The following KCNC1 variants were observed in gnomAD, a reference collection of about 807,000 sequenced individuals.
The protein encoded by KCNC1 is potassium voltage-gated channel subfamily C member 1.
A neutral mutation model predicts 43.4 loss-of-function variants in KCNC1; 8 were observed. The observed-to-expected ratio is 0.18, with a 90% CI of 0.11 to 0.33. KCNC1 has a LOEUF of 0.33. Ranked by LOEUF, KCNC1 falls within the 10% of genes least tolerant of loss-of-function variation. The probability of loss-of-function intolerance (pLI) is 1.00; values close to 1 mark genes in which losing one functional copy is unlikely to be tolerated. For missense variants in KCNC1, 420 were observed against 836.0 expected, an observed-to-expected ratio of 0.50 and a Z score of 6.14; for synonymous variants, 361 against 360.5, an observed-to-expected ratio of 1.00 and a Z score of -0.01.
In KCNC1 at chr11:17,735,732, G is replaced by T. The variant is rs1047568736; in HGVS notation, c.-271G>T. ...TTCTCCCTCCCTTCTTTCCTCCTCT[G>T]CCTCCTCCGCTGCCGGACCAGCTCC... On this transcript the variant is annotated 5_prime_UTR_variant, in exon 1 of 4. Transcript: ENST00000265969. The surrounding 1 kb of genome is among the most constrained non-coding windows in gnomAD (Gnocchi z 6.7). The T allele has an allele frequency of 1.9e-5, 5 of 269,532 alleles. No individual in the cohort carries two copies. Among genetic ancestry groups the T allele is most frequent in the Non-Finnish European group, 2.7e-5 (4 of 149,250 alleles). 16.7% of individuals were successfully genotyped at this position (269,532 alleles called of 1,614,324 possible). A position where few individuals can be genotyped will look rare whatever the true frequency, so the allele number is the denominator to read the frequency against.
chr11:17,775,097 C>A, intron 2 of KCNC1: 1 of 985,560 alleles, frequency 1.0e-6, no homozygotes, highest in Admixed American at 6.1e-5. Context: ...AGGCCAGGGG[C>A]AAGGAAGGTA....
At chr11:17,770,401 C>T (rs1308755030) in intron 1 of KCNC1, among the ~76,000 whole-genome samples, 5 of 152,194 alleles carry the variant, frequency 3.3e-5, no homozygotes, top group Admixed American at 2.6e-4. Context: ...ACTATCTGGG[C>T]CCCTGAGAGA....
chr11:17,772,930 C>T, intron 2 of KCNC1: 1 of 1,195,756 alleles, frequency 8.4e-7, no homozygotes, highest in East Asian at 4.2e-5. Context: ...GGGCAGGAGT[C>T]CGGTGTGAGT....
intron 1 of KCNC1, among the ~76,000 whole-genome samples, chr11:17,743,279 ATCTG>A (rs577762277): frequency 1.5e-4 from 23 of 152,302 alleles, no homozygotes; most frequent in African/African-American, 5.1e-4. Context: ...CTGGAGCTCT[ATCTG>A]TAACTATTAC....
rs1324202682 is a variant in KCNC1 at position 17,783,053 on chromosome 11, A to T, written c.*1319A>T. 3 of 152,122 alleles carry T rather than the reference A, an allele frequency of 2.0e-5. No individual in the cohort carries two copies. The highest frequency in any genetic ancestry group is 1.3e-4 in the Admixed American group (2 of 15,258). The allele number at this position is 152,122 out of a possible 1,614,324, so 9.4% of individuals were successfully genotyped here. On this transcript the variant is annotated 3_prime_UTR_variant, in exon 4 of 4. Coordinates refer to ENST00000265969, the MANE Select transcript of KCNC1 (RefSeq NM_001112741.2). ...CAATAATAAAAAACTGACTTTTGAGATGAAGCATGAATTTGGGTTTTTATT... is the reference window on the plus strand; with the variant it reads ...CAATAATAAAAAACTGACTTTTGAGTTGAAGCATGAATTTGGGTTTTTATT...
rs755872953 is a variant in KCNC1 at position 17,736,028 on chromosome 11, G to C, written c.26G>C (p.Arg9Pro). 2 of 1,535,882 alleles carry C rather than the reference G, an allele frequency of 1.3e-6. No homozygotes were observed. The highest frequency in any genetic ancestry group is 1.7e-6 in the Non-Finnish European group (2 of 1,143,712). The change falls in exon 1 of 4, where the codon CGC becomes CCC. Residue 9 changes from arginine to proline, a missense_variant. Transcript: ENST00000265969. The surrounding 1 kb of genome is among the most constrained non-coding windows in gnomAD (Gnocchi z 9.3). MGQGDESE[R>P]IVINVGGTRH... ...ATGGGCCAAGGGGACGAGAGCGAGCGCATCGTGATCAACGTGGGCGGCACG... is the reference window on the plus strand; with the variant it reads ...ATGGGCCAAGGGGACGAGAGCGAGCCCATCGTGATCAACGTGGGCGGCACG...
At chr11:17,753,067 C>G (rs899779882) in intron 1 of KCNC1, among the ~76,000 whole-genome samples, 4 of 152,208 alleles carry the variant, frequency 2.6e-5, no homozygotes, top group Non-Finnish European at 4.4e-5. Flanking sequence ...GGAATTCACC[C>G]TCCGTTGACT....
rs1323352505 is a variant in KCNC1, at chr11:17,739,804, A to G, written c.570+3232A>G. Among the ~76,000 whole-genome samples, 1 of 151,474 alleles carries G rather than the reference A, an allele frequency of 6.6e-6. No homozygotes were observed. The highest frequency in any genetic ancestry group is 2.4e-5 in the African/African-American group (1 of 41,164). ...GTGTAAGACAGAGATTGTGTGTGAA[A>G]TCCTGTGTGTGACAGTGTACGTGAT... On this transcript the variant is annotated intron_variant, in intron 1 of 3. Transcript: ENST00000265969. The surrounding 1 kb of genome is among the most constrained non-coding windows in gnomAD (Gnocchi z 4.2).
chr11:17,735,822 C>T lies in KCNC1; in HGVS notation c.-181C>T. The T allele has an allele frequency of 1.6e-6, 1 of 630,974 alleles. No homozygotes were observed. The highest frequency in any genetic ancestry group is 2.4e-6 in the Non-Finnish European group (1 of 408,578). The allele number at this position is 630,974 out of a possible 1,614,324, so 39.1% of individuals were successfully genotyped here. A position where few individuals can be genotyped will look rare whatever the true frequency, so the allele number is the denominator to read the frequency against. On this transcript the variant is annotated 5_prime_UTR_variant, in exon 1 of 4. Coordinates refer to ENST00000265969, the MANE Select transcript of KCNC1 (RefSeq NM_001112741.2). The surrounding 1 kb of genome is among the most constrained non-coding windows in gnomAD (Gnocchi z 6.7). Reference sequence around the variant, plus strand: ...CACATTCCCCTGGACCGGCACCCGACAAAGCGCCCGGAGAGGCTTGGCTCG... The same window carrying T: ...CACATTCCCCTGGACCGGCACCCGATAAAGCGCCCGGAGAGGCTTGGCTCG...
At chr11:17,753,701 G>A (rs373828410) in intron 1 of KCNC1, among the ~76,000 whole-genome samples, 2 of 152,194 alleles carry the variant, frequency 1.3e-5, no homozygotes, top group Non-Finnish European at 2.9e-5. Context: ...GCCCCGGCGT[G>A]GGGGGTGGGG....
chr11:17,775,967 G>T (rs1259593748), intron 2 of KCNC1: 4 of 985,240 alleles, frequency 4.1e-6, no homozygotes, highest in Non-Finnish European at 4.8e-6. Flanking sequence ...TGCCCAGTGA[G>T]TGGTGCTATC....
Position 17,736,423 on chromosome 11 carries a change from G to A in KCNC1, c.421G>A (p.Asp141Asn), listed in dbSNP as rs376363769. The change falls in exon 1 of 4, where the codon GAC becomes AAC. Residue 141 changes from aspartate to asparagine, a missense_variant. By Grantham distance (23) the Asp-to-Asn change is conservative. Around this residue, in one of 5 missense-constraint regions of KCNC1, gnomAD observed 151 missense variants for 216.7 expected, o/e 0.70. Transcript: ENST00000265969. This position sits in a 1 kb window ranked among gnomAD's most constrained non-coding sequence, Gnocchi z 9.3. ...ADDADADGPG[D>N]SGDGEDELEM... is the part of the protein sequence containing the mutation. ...CGACGCGGACGCCGACGGCCCTGGCGACTCGGGCGACGGCGAGGACGAGCT... is the reference window on the plus strand; with the variant it reads ...CGACGCGGACGCCGACGGCCCTGGCAACTCGGGCGACGGCGAGGACGAGCT... The A allele has an allele frequency of 6.2e-7, 1 of 1,607,770 alleles. No individual in the cohort carries two copies. Among genetic ancestry groups the A allele is most frequent in the African/African-American group, 1.3e-5 (1 of 74,974 alleles).
At chr11:17,748,180 C>T (rs760682402) in intron 1 of KCNC1, among the ~76,000 whole-genome samples, 8 of 152,106 alleles carry the variant, frequency 5.3e-5, no homozygotes, top group African/African-American at 1.4e-4. Flanking sequence ...AGTTTTAACT[C>T]GTGCGGCAGG....
Position 17,773,126 on chromosome 11 carries a change from G to A in KCNC1, c.1504+528G>A, listed in dbSNP as rs983064593. On this transcript the variant is annotated intron_variant, in intron 2 of 3. Transcript: ENST00000265969. The surrounding 1 kb of genome is among the most constrained non-coding windows in gnomAD (Gnocchi z 4.1). Reference sequence around the variant, plus strand: ...GGCAGGTGCAAGGGTTCTCACCCCCGGCAGAGCCTGTCTCCATAGCTGAGT... The same window carrying A: ...GGCAGGTGCAAGGGTTCTCACCCCCAGCAGAGCCTGTCTCCATAGCTGAGT... The A allele has an allele frequency of 1.4e-4, 136 of 989,692 alleles. No individual in the cohort carries two copies. Among genetic ancestry groups the A allele is most frequent in the Admixed American group, 3.5e-4 (6 of 17,048 alleles). 61.3% of individuals were successfully genotyped at this position (989,692 alleles called of 1,614,324 possible). A position where few individuals can be genotyped will look rare whatever the true frequency, so the allele number is the denominator to read the frequency against.
At chr11:17,754,161 A>G (rs577082719) in intron 1 of KCNC1, among the ~76,000 whole-genome samples, 6 of 152,292 alleles carry the variant, frequency 3.9e-5, no homozygotes, top group African/African-American at 1.2e-4. Flanking sequence ...TCTGCTTTCA[A>G]TGAATGCACT....
At chr11:17,743,077 A>G (rs1025846964) in intron 1 of KCNC1, among the ~76,000 whole-genome samples, 1 of 152,218 alleles carries the variant, frequency 6.6e-6, no homozygotes, top group African/African-American at 2.4e-5. Context: ...GCAGTGTCAG[A>G]CACTGTCTTA....
At position 17,756,267 on chromosome 11, in the gene KCNC1, C is replaced by G. The variant is rs202158209; in HGVS notation, c.571-15398C>G. Among the ~76,000 whole-genome samples the G allele has an allele frequency of 1.2e-4, 18 of 152,270 alleles. No homozygotes were observed. The East Asian group carries it at 3.5e-3, about 29-fold the overall frequency. On this transcript the variant is annotated intron_variant, in intron 1 of 3. Transcript: ENST00000265969. ...GGCTTACCAAATGCCTGTGCATTCC[C>G]CTTGATGCCCCTGTCAGCTCACATA...
intron 1 of KCNC1, among the ~76,000 whole-genome samples, chr11:17,766,993 G>A (rs993275079): frequency 2.0e-5 from 3 of 151,180 alleles, no homozygotes; most frequent in African/African-American, 7.3e-5. Context: ...AATTAGCCGG[G>A]CGTGGTGGTG....
chr11:17,735,811 C>T lies in KCNC1; in HGVS notation c.-192C>T. Reference sequence around the variant, plus strand: ...GGGATCCCGCGCACATTCCCCTGGACCGGCACCCGACAAAGCGCCCGGAGA... The same window carrying T: ...GGGATCCCGCGCACATTCCCCTGGATCGGCACCCGACAAAGCGCCCGGAGA... On this transcript the variant is annotated 5_prime_UTR_variant, in exon 1 of 4. Transcript: ENST00000265969. This position sits in a 1 kb window ranked among gnomAD's most constrained non-coding sequence, Gnocchi z 6.7. 1.8e-6 allele frequency: 1 copy of T among 555,378 alleles called. No homozygotes were observed. The highest frequency in any genetic ancestry group is 2.9e-6 in the Non-Finnish European group (1 of 341,998). The allele number at this position is 555,378 out of a possible 1,614,324, so 34.4% of individuals were successfully genotyped here.
Sources: allele counts gnomAD v4.1 joint callset (sites outside exome capture counted in the v4.1 genomes callset), GRCh38; gene constraint gnomAD v4.1.1; regional missense constraint gnomAD v4.1.1; non-coding constraint Gnocchi (gnomAD v3.1); transcripts MANE v1.5; gene names NCBI Gene and HGNC (gene_info 2026-07-23, HGNC 2026-07-21).